The following RANBP17 variants were observed in gnomAD, a reference collection of about 807,000 sequenced individuals.
RANBP17 encodes RAN binding protein 17.
A neutral mutation model predicts 141.2 loss-of-function variants in RANBP17; 158 were observed. The ratio of observed to expected loss-of-function variants is 1.12; its 90% CI spans 0.98 to 1.28. The LOEUF is 1.28. Among genes scored for constraint, RANBP17 ranks in the 50% most tolerant of loss-of-function variants. The pLI, the probability that RANBP17 is intolerant of heterozygous loss-of-function variation, is 0.00. For missense variants in RANBP17, 1,438 were observed against 1,290.7 expected, an observed-to-expected ratio of 1.11 and a Z score of -1.75; for synonymous variants, 430 against 450.0, an observed-to-expected ratio of 0.96 and a Z score of 0.56.
chr5:170,951,451 G>A lies in RANBP17; in HGVS notation c.1469-2146G>A, dbSNP rs888650104. ...ATTGATATGTGCTAAAACATGGGTGGTCCTTGAAAACATTATGCTGACTTG... is the reference window on the plus strand; with the variant it reads ...ATTGATATGTGCTAAAACATGGGTGATCCTTGAAAACATTATGCTGACTTG... On this transcript the variant is annotated intron_variant, in intron 12 of 27. Coordinates refer to ENST00000523189, the MANE Select transcript of RANBP17 (RefSeq NM_022897.5). 3.9e-4 allele frequency among the ~76,000 whole-genome samples: 59 copies of A among 152,188 alleles called. No homozygotes were observed. In the South Asian group the frequency reaches 0.012, roughly 30 times the overall value.
intron 24 of RANBP17, chr5:171,251,905 T>G: frequency 6.3e-7 from 1 of 1,575,504 alleles, no homozygotes; most frequent in Non-Finnish European, 8.7e-7. Flanking sequence ...TCCAGAACAG[T>G]TTCCAGTGAA....
intron 24 of RANBP17, chr5:171,252,043 G>T (rs1191898123): frequency 6.2e-7 from 1 of 1,605,974 alleles, no homozygotes; most frequent in Non-Finnish European, 8.5e-7. Flanking sequence ...TAGGAAAAAG[G>T]AGAGCCTTCT....
rs185333805 is a variant in RANBP17, at chr5:171,043,821, G to T, written c.1710+75444G>T. Among the ~76,000 whole-genome samples the T allele has an allele frequency of 2.4e-3, 370 of 152,118 alleles. 2 individuals are homozygous for T. The highest frequency in any genetic ancestry group is 8.7e-3 in the African/African-American group (360 of 41,514). ...TAGAACTTTTCTGCTATGAGATAAA[G>T]AAAAAGTCTTAAGCCATGGTTTGGA... On this transcript the variant is annotated intron_variant, in intron 14 of 27. Transcript: ENST00000523189.
At chr5:171,090,382 T>C (rs1001532175) in intron 14 of RANBP17, among the ~76,000 whole-genome samples, 3 of 152,220 alleles carry the variant, frequency 2.0e-5, no homozygotes, top group African/African-American at 7.2e-5. Flanking sequence ...TCTGGCAGAA[T>C]AAATTTCTAA....
chr5:171,080,053 C>A (rs539843873), intron 14 of RANBP17, among the ~76,000 whole-genome samples: 1 of 151,820 alleles, frequency 6.6e-6, no homozygotes, highest in East Asian at 1.9e-4. Flanking sequence ...TTTTTTTTAC[C>A]CTTCGGATCC....
chr5:170,927,040 A>AT (rs1581163872), intron 12 of RANBP17, among the ~76,000 whole-genome samples: 1 of 152,200 alleles, frequency 6.6e-6, no homozygotes, highest in East Asian at 1.9e-4. Flanking sequence ...GATTTTAGTG[A>AT]TTTAGTCTTT....
intron 5 of RANBP17, among the ~76,000 whole-genome samples, chr5:170,905,138 C>T (rs1770973595): frequency 6.6e-6 from 1 of 151,876 alleles, no homozygotes; most frequent in Non-Finnish European, 1.5e-5. Context: ...GGATTTTTAC[C>T]CTGTACAAGG....
Position 170,911,134 on chromosome 5 carries a change from A to T in RANBP17, c.760A>T (p.Ile254Phe). 1 of 1,611,124 alleles carries T rather than the reference A, an allele frequency of 6.2e-7. No individual in the cohort carries two copies. Among genetic ancestry groups the T allele is most frequent in the Non-Finnish European group, 8.5e-7 (1 of 1,178,104 alleles). ...TVQIPTTWRTIFLEPETLDLF... is the reference protein window; with the variant it reads ...TVQIPTTWRTFFLEPETLDLF... Reference sequence around the variant, plus strand: ...GCAGATTCCAACAACTTGGAGAACAAGTAAGAAAAAACTTTGGTATGAAGG... The same window carrying T: ...GCAGATTCCAACAACTTGGAGAACATGTAAGAAAAAACTTTGGTATGAAGG... Residue 254 changes from isoleucine to phenylalanine, a missense_variant and splice_region_variant, in exon 7 of 28, where the codon ATT becomes TTT. Physicochemically the swap from Ile to Phe is conservative, Grantham distance 21. Transcript: ENST00000523189.
chr5:170,869,357 CTA>C (rs1326815686), intron 1 of RANBP17, among the ~76,000 whole-genome samples: 1 of 142,610 alleles, frequency 7.0e-6, no homozygotes, highest in Non-Finnish European at 1.5e-5. Flanking sequence ...GGGAGTCTCG[CTA>C]TGTTTCCCAG....
intron 14 of RANBP17, among the ~76,000 whole-genome samples, chr5:171,052,511 A>C (rs1783021549): frequency 6.6e-6 from 1 of 152,178 alleles, no homozygotes; most frequent in Non-Finnish European, 1.5e-5. Context: ...TTAGCACCAT[A>C]GTCAAAAAAT....
intron 14 of RANBP17, among the ~76,000 whole-genome samples, chr5:171,100,333 T>C (rs568354540): frequency 6.6e-6 from 1 of 152,152 alleles, no homozygotes; most frequent in Non-Finnish European, 1.5e-5. Flanking sequence ...TCTTGGGAAG[T>C]TGTATGTGTC....
intron 14 of RANBP17, among the ~76,000 whole-genome samples, chr5:171,088,235 G>GCTGGAT (rs1785854555): frequency 6.6e-6 from 1 of 151,762 alleles, no homozygotes; most frequent in South Asian, 2.1e-4. Flanking sequence ...GCTTAGTTTG[G>GCTGGAT]CTGGATATGA....
At chr5:171,098,776 A>G (rs571321839) in intron 14 of RANBP17, among the ~76,000 whole-genome samples, 1 of 152,126 alleles carries the variant, frequency 6.6e-6, no homozygotes, top group Non-Finnish European at 1.5e-5. Flanking sequence ...TTTAGGTCTT[A>G]TGTTTAAATC....
At chr5:171,087,601 G>A (rs1785778706) in intron 14 of RANBP17, among the ~76,000 whole-genome samples, 1 of 151,798 alleles carries the variant, frequency 6.6e-6, no homozygotes, top group African/African-American at 2.4e-5. Flanking sequence ...GGGAGTCTAA[G>A]TCTCTTTGTA....
At chr5:170,983,175 A>AG in intron 14 of RANBP17, 1 of 476,268 alleles carries the variant, frequency 2.1e-6, no homozygotes, top group Non-Finnish European at 4.0e-6. Context: ...AGAGAGGCTA[A>AG]GGGAAGCTCT....
intron 14 of RANBP17, among the ~76,000 whole-genome samples, chr5:171,033,982 C>T (rs886950105): frequency 2.0e-5 from 3 of 152,132 alleles, no homozygotes; most frequent in Non-Finnish European, 4.4e-5. Flanking sequence ...CATGGTGGCG[C>T]ATTCCTGTAG....
At chr5:170,915,921 T>G (rs1388648527) in intron 8 of RANBP17, among the ~76,000 whole-genome samples, 1 of 152,134 alleles carries the variant, frequency 6.6e-6, no homozygotes, top group Non-Finnish European at 1.5e-5. Context: ...GGCCTTGAAC[T>G]GGCTGATTTT....
chr5:171,160,646 C>T (rs949551643), intron 14 of RANBP17, among the ~76,000 whole-genome samples: 4 of 152,136 alleles, frequency 2.6e-5, no homozygotes, highest in Non-Finnish European at 5.9e-5. Flanking sequence ...TAGATTACCT[C>T]CTATTTTGTG....
chr5:170,875,375 TG>T (rs2127341393), intron 1 of RANBP17, among the ~76,000 whole-genome samples: 1 of 152,312 alleles, frequency 6.6e-6, no homozygotes, highest in African/African-American at 2.4e-5. Context: ...CTTGCTAGGT[TG>T]GGGAAGTTTT....
Sources: allele counts gnomAD v4.1 joint callset (sites outside exome capture counted in the v4.1 genomes callset), GRCh38; gene constraint gnomAD v4.1.1; transcripts MANE v1.5; gene names NCBI Gene and HGNC (gene_info 2026-07-23, HGNC 2026-07-21).